INTS4: variants seen among roughly 807,000 people sequenced by gnomAD.
INTS4 encodes the protein MSTP093.
In INTS4, 70 loss-of-function variants were observed where a neutral mutation model predicts 119.5. That is an observed-to-expected ratio of 0.59 (90% confidence interval 0.48 to 0.71). The LOEUF is 0.71. Among genes scored for constraint, INTS4 ranks in the 30% least tolerant of loss-of-function variants. INTS4 has a pLI of 0.00. For synonymous variants in INTS4, 316 were observed against 419.6 expected, an observed-to-expected ratio of 0.75 and a Z score of 3.02; for missense variants, 867 against 1,173.2, an observed-to-expected ratio of 0.74 and a Z score of 3.81.
Position 77,936,021 on chromosome 11 carries a change from A to G in INTS4, c.1165+2630T>C, listed in dbSNP as rs371290809. ...CTACTCTAATCCTGCCTAACAAAGT[A>G]TAAGACCTGAAAAAATGGATCCCAG... is the stretch of plus-strand genomic sequence containing the variant. On this transcript the variant is annotated intron_variant, in intron 10 of 22. Coordinates refer to ENST00000534064, the MANE Select transcript of INTS4 (RefSeq NM_033547.4). 1.2e-4 allele frequency among the ~76,000 whole-genome samples: 19 copies of G among 152,156 alleles called. No homozygotes were observed. The South Asian group carries it at 3.7e-3, about 30-fold the overall frequency.
chr11:77,925,662 CATA>C (rs1953481366), intron 11 of INTS4, among the ~76,000 whole-genome samples: 1 of 152,300 alleles, frequency 6.6e-6, no homozygotes, highest in South Asian at 2.1e-4. Context: ...AACAGTTTTC[CATA>C]ATGTTAGAAT....
intron 15 of INTS4, among the ~76,000 whole-genome samples, chr11:77,914,461 A>G (rs1434268548): frequency 6.6e-6 from 1 of 152,250 alleles, no homozygotes. Flanking sequence ...AACCTCATTC[A>G]GTGGCCTCCA....
At chr11:77,894,945 G>T (rs1952446395) in intron 18 of INTS4, among the ~76,000 whole-genome samples, 1 of 152,172 alleles carries the variant, frequency 6.6e-6, no homozygotes, top group South Asian at 2.1e-4. Flanking sequence ...TAGCGGTATA[G>T]CCTACTAATG....
Position 77,918,895 on chromosome 11 carries a change from C to G in INTS4, c.1848G>C (p.Gln616His). The G allele has an allele frequency of 1.2e-6, 2 of 1,613,976 alleles. No individual in the cohort carries two copies. The highest frequency in any genetic ancestry group is 1.7e-6 in the Non-Finnish European group (2 of 1,179,876). The change falls in exon 15 of 23, where the codon CAG (glutamine) becomes CAC (histidine). Residue 616 changes from glutamine to histidine, a missense_variant. This residue lies in a region of INTS4 where 262 missense variants were observed against 376.0 expected (regional missense o/e 0.70). Coordinates refer to ENST00000534064, the MANE Select transcript of INTS4 (RefSeq NM_033547.4). ...QEDPSQQFLQ[Q>H]SLERVYSLQH... ...GAAGACTATACACTCTTTCAAGGCT[C>G]TGCTGCAGGAACTGCTGGGAAGGAT...
At chr11:77,945,618 T>C (rs1188764791) in intron 8 of INTS4, among the ~76,000 whole-genome samples, 2 of 152,100 alleles carry the variant, frequency 1.3e-5, no homozygotes, top group Non-Finnish European at 2.9e-5. Flanking sequence ...AGCCATCAAA[T>C]AGACAGCTGG....
chr11:77,898,003 G>C (rs1286421756), intron 18 of INTS4, among the ~76,000 whole-genome samples: 3 of 151,986 alleles, frequency 2.0e-5, no homozygotes, highest in African/African-American at 7.2e-5. Context: ...TTTAGAGACA[G>C]GGTCTCATTA....
chr11:77,879,139 A>G lies in INTS4; in HGVS notation c.2714-12T>C. 1 of 1,613,822 alleles carries G rather than the reference A, an allele frequency of 6.2e-7. No homozygotes were observed. Among genetic ancestry groups the G allele is most frequent in the Non-Finnish European group, 8.5e-7 (1 of 1,179,842 alleles). On this transcript the variant is annotated splice_polypyrimidine_tract_variant and intron_variant, in intron 22 of 22. Coordinates refer to ENST00000534064, the MANE Select transcript of INTS4 (RefSeq NM_033547.4). ...CACCTGGCATGCCTCTGAAAAAAAG[A>G]TAAAAGAAATCCTCTATAACTAGGC...
intron 8 of INTS4, among the ~76,000 whole-genome samples, chr11:77,953,895 C>G (rs1954255282): frequency 6.6e-6 from 1 of 150,460 alleles, no homozygotes; most frequent in African/African-American, 2.5e-5. Flanking sequence ...TCCCGGGTAA[C>G]CTCTGCCTCC....
At chr11:77,890,944 T>C (rs555048324) in intron 21 of INTS4, among the ~76,000 whole-genome samples, 2 of 152,360 alleles carry the variant, frequency 1.3e-5, no homozygotes, top group South Asian at 2.1e-4. Context: ...GACTGACTCA[T>C]AGCCTGAAAG....
intron 21 of INTS4, among the ~76,000 whole-genome samples, chr11:77,889,771 C>T (rs1379163361): frequency 2.0e-5 from 3 of 152,112 alleles, no homozygotes; most frequent in Non-Finnish European, 4.4e-5. Context: ...ACCTGTCCCA[C>T]GATGGGGCAG....
chr11:77,976,430 C>G (rs1394995248), intron 4 of INTS4, among the ~76,000 whole-genome samples: 1 of 152,146 alleles, frequency 6.6e-6, no homozygotes, highest in Admixed American at 6.5e-5. Flanking sequence ...TGCCTGTGAT[C>G]CCAGCACTTC....
At chr11:77,884,517 A>G (rs1228185147) in intron 21 of INTS4, among the ~76,000 whole-genome samples, 1 of 152,182 alleles carries the variant, frequency 6.6e-6, no homozygotes, top group Non-Finnish European at 1.5e-5. Context: ...CCCTGTGTAG[A>G]CAGCCTACTA....
At chr11:77,880,451 A>T (rs894606367) in intron 22 of INTS4, among the ~76,000 whole-genome samples, 10 of 152,224 alleles carry the variant, frequency 6.6e-5, no homozygotes, top group African/African-American at 4.8e-5. Context: ...TGATAAGCAC[A>T]CACTCACATG....
intron 16 of INTS4, among the ~76,000 whole-genome samples, chr11:77,904,756 A>C (rs929270277): frequency 6.6e-6 from 1 of 152,232 alleles, no homozygotes; most frequent in African/African-American, 2.4e-5. Flanking sequence ...CAAAACATAC[A>C]ATCCCAAATG....
chr11:77,917,826 A>G (rs1195568737), intron 15 of INTS4, among the ~76,000 whole-genome samples: 7 of 151,778 alleles, frequency 4.6e-5, no homozygotes, highest in Non-Finnish European at 8.8e-5. Context: ...TTGTTCCCCA[A>G]TATCTTTCTC....
chr11:77,988,565 A>G (rs1158067062), intron 2 of INTS4, among the ~76,000 whole-genome samples: 1 of 152,176 alleles, frequency 6.6e-6, no homozygotes, highest in East Asian at 1.9e-4. Context: ...AAGGAAGGGG[A>G]CTAGGAAGTG....
At chr11:77,898,835 C>T (rs1364683460) in intron 18 of INTS4, among the ~76,000 whole-genome samples, 2 of 152,014 alleles carry the variant, frequency 1.3e-5, no homozygotes, top group Non-Finnish European at 2.9e-5. Context: ...GCATGGCCAA[C>T]ATGGTAAAAC....
At chr11:77,892,676 G>T (rs202072995) in intron 19 of INTS4, among the ~76,000 whole-genome samples, 1 of 151,970 alleles carries the variant, frequency 6.6e-6, no homozygotes, top group African/African-American at 2.4e-5. Context: ...TCCGCCTCCC[G>T]GGTTCAAGCA....
intron 22 of INTS4, 150 bp from the exon 23 acceptor site, chr11:77,879,277 A>G (rs1007174766): frequency 1.3e-6 from 1 of 788,264 alleles, no homozygotes; most frequent in Non-Finnish European, 2.0e-6. Flanking sequence ...ACCAAACAAA[A>G]CACTGAGCCT....
Sources: allele counts gnomAD v4.1 joint callset (sites outside exome capture counted in the v4.1 genomes callset), GRCh38; gene constraint gnomAD v4.1.1; regional missense constraint gnomAD v4.1.1; transcripts MANE v1.5; gene names NCBI Gene and HGNC (gene_info 2026-07-23, HGNC 2026-07-21).